Variants in DENND5B observed in about 807,000 individuals in gnomAD.
DENND5B encodes the protein DENN domain containing 5B, also known as DENN domain-containing protein 5B.
A neutral mutation model predicts 140.6 loss-of-function variants in DENND5B; 34 were observed. The ratio of observed to expected loss-of-function variants is 0.24; its 90% confidence interval spans 0.18 to 0.32. DENND5B has a LOEUF of 0.32. DENND5B is among the 10% of genes least tolerant of loss of function. The pLI, the probability that DENND5B is intolerant of heterozygous loss-of-function variation, is 1.00. For missense variants in DENND5B, 1,142 were observed against 1,560.2 expected, an observed-to-expected ratio of 0.73 and a Z score of 4.52; for synonymous variants, 551 against 562.1, an observed-to-expected ratio of 0.98 and a Z score of 0.28.
intron 12 of DENND5B, among the ~76,000 whole-genome samples, 166 bp downstream of exon 12, chr12:31,415,201 C>G (rs754510631): frequency 1.1e-4 from 17 of 152,264 alleles, no homozygotes; most frequent in Non-Finnish European, 2.2e-4. Flanking sequence ...TCAGGAAACA[C>G]TACAATGGTA....
At chr12:31,393,969 C>CGTAA (rs1205885362) in intron 17 of DENND5B, among the ~76,000 whole-genome samples, 1 of 152,114 alleles carries the variant, frequency 6.6e-6, no homozygotes, top group Non-Finnish European at 1.5e-5. Flanking sequence ...GGATTACAGG[C>CGTAA]GTAAGCCACC....
At chr12:31,541,912 T>A (rs1016926579) in intron 1 of DENND5B, among the ~76,000 whole-genome samples, 1 of 152,182 alleles carries the variant, frequency 6.6e-6, no homozygotes, top group African/African-American at 2.4e-5. Flanking sequence ...TGGATTGAAC[T>A]GGAAGTCATT....
At chr12:31,587,958 G>A (rs1198428456) in intron 1 of DENND5B, among the ~76,000 whole-genome samples, 3 of 152,130 alleles carry the variant, frequency 2.0e-5, no homozygotes, top group Non-Finnish European at 4.4e-5. Flanking sequence ...AGGCACATCA[G>A]ATCTTGTCAT....
At chr12:31,444,017 G>A (rs928909107) in intron 6 of DENND5B, 1 of 152,126 alleles carries the variant, frequency 6.6e-6, no homozygotes, top group African/African-American at 2.4e-5. Context: ...TATTTCTCAG[G>A]TAAACAAATA....
intron 7 of DENND5B, among the ~76,000 whole-genome samples, chr12:31,439,161 C>T (rs1943914125): frequency 1.3e-5 from 2 of 152,164 alleles, no homozygotes; most frequent in African/African-American, 4.8e-5. Flanking sequence ...TGCTGAAATA[C>T]TAAAGACTGC....
chr12:31,423,602 G>A lies in DENND5B; in HGVS notation c.2465C>T (p.Ser822Leu). 1 of 1,613,872 alleles carries A rather than the reference G, an allele frequency of 6.2e-7. No homozygotes were observed. Among genetic ancestry groups the A allele is most frequent in the Non-Finnish European group, 8.5e-7 (1 of 1,179,814 alleles). ...REEKQEHLAE[S>L]PVALGPERRK... The stretch of plus-strand genomic sequence containing the variant: ...CTTTACCAATGATGTCATACCTGGT[G>A]ATTCTGCAAGGTGCTCTTGTTTCTC... The change falls in exon 11 of 21, where the codon TCA becomes TTA. Residue 822 changes from serine (S) to leucine (L), a missense_variant. Ser to Leu is a moderately radical substitution (Grantham distance 145, BLOSUM62 -2). Around this residue, in one of 5 missense-constraint regions of DENND5B, gnomAD observed 268 missense variants for 349.2 expected, o/e 0.77. Transcript: ENST00000389082.
intron 2 of DENND5B, among the ~76,000 whole-genome samples, chr12:31,491,781 G>A (rs1004357254): frequency 6.6e-6 from 1 of 151,926 alleles, no homozygotes; most frequent in Non-Finnish European, 1.5e-5. Flanking sequence ...TATTTTATTT[G>A]CACTGTACTC....
intron 1 of DENND5B, chr12:31,590,294 C>G (rs1176069884): frequency 6.5e-6 from 1 of 153,424 alleles, no homozygotes; most frequent in Non-Finnish European, 1.5e-5. Context: ...GCGTCACGTG[C>G]GGGGCCGAAA....
At chr12:31,442,749 AC>A in intron 7 of DENND5B, 25 bp downstream of exon 7, 1 of 1,604,738 alleles carries the variant, frequency 6.2e-7, no homozygotes. Context: ...CCTTCAACCA[AC>A]TACTCAAGTG....
chr12:31,515,785 T>A (rs1161603061), intron 1 of DENND5B, among the ~76,000 whole-genome samples: 2 of 152,220 alleles, frequency 1.3e-5, no homozygotes, highest in Non-Finnish European at 2.9e-5. Flanking sequence ...TACTCAAAAT[T>A]CTGTACTGCC....
chr12:31,449,423 C>CT (rs200875025), intron 5 of DENND5B, among the ~76,000 whole-genome samples: 6 of 152,300 alleles, frequency 3.9e-5, no homozygotes, highest in South Asian at 4.1e-4. Flanking sequence ...ATCAAATAGC[C>CT]TTTTTTTAAA....
At chr12:31,408,951 C>T (rs1942287318) in intron 14 of DENND5B, among the ~76,000 whole-genome samples, 1 of 152,132 alleles carries the variant, frequency 6.6e-6, no homozygotes, top group South Asian at 2.1e-4. Context: ...CAATGAAATC[C>T]TCATCTATCT....
chr12:31,506,354 G>T (rs1331247493), intron 1 of DENND5B: 6 of 152,116 alleles, frequency 3.9e-5, no homozygotes, highest in Non-Finnish European at 8.8e-5. Flanking sequence ...AAAGAAATCT[G>T]TAACTGATTG....
intron 1 of DENND5B, among the ~76,000 whole-genome samples, chr12:31,586,623 A>G (rs1950400457): frequency 6.6e-6 from 1 of 152,214 alleles, no homozygotes; most frequent in Non-Finnish European, 1.5e-5. Flanking sequence ...AACCATTTGA[A>G]GCCTTGATAA....
Position 31,590,910 on chromosome 12 carries a change from G to A in DENND5B, c.-78C>T. On this transcript the variant is annotated 5_prime_UTR_variant, in exon 1 of 21. Coordinates refer to ENST00000389082, the MANE Select transcript of DENND5B (RefSeq NM_144973.4). The stretch of plus-strand genomic sequence containing the variant: ...TGCGGAGGCTGCCACCACCGCTCCG[G>A]CTGTGGTCTGTGCGCCCGCCCTAGG... 8.6e-7 allele frequency: 1 copy of A among 1,156,440 alleles called. No individual in the cohort carries two copies. Among genetic ancestry groups the A allele is most frequent in the African/African-American group, 1.6e-5 (1 of 61,452 alleles). 71.6% of individuals were successfully genotyped at this position (1,156,440 alleles called of 1,614,324 possible).
At chr12:31,483,504 G>T (rs60632601) in intron 2 of DENND5B, among the ~76,000 whole-genome samples, 1 of 150,848 alleles carries the variant, frequency 6.6e-6, no homozygotes, top group Non-Finnish European at 1.5e-5. Flanking sequence ...GCAGTGGCGC[G>T]ATCTCGGCTC....
intron 6 of DENND5B, 119 bp from the exon 7 acceptor site, chr12:31,443,044 T>TTGTG (rs60242727): frequency 0.051 from 25,777 of 501,282 alleles, 277 homozygotes; most frequent in South Asian, 0.084. Flanking sequence ...GAAACAGATA[T>TTGTG]TGTGTGTGTG....
chr12:31,470,607 A>G (rs1945514620), intron 3 of DENND5B, among the ~76,000 whole-genome samples: 1 of 152,150 alleles, frequency 6.6e-6, no homozygotes, highest in South Asian at 2.1e-4. Flanking sequence ...ACACAAATAA[A>G]CCAAGACACC....
chr12:31,520,365 T>TAA (rs1947831192), intron 1 of DENND5B, among the ~76,000 whole-genome samples: 1 of 152,146 alleles, frequency 6.6e-6, no homozygotes, highest in East Asian at 1.9e-4. Context: ...GCACTTATAA[T>TAA]GAATTAAAAT....
Sources: allele counts gnomAD v4.1 joint callset (sites outside exome capture counted in the v4.1 genomes callset), GRCh38; gene constraint gnomAD v4.1.1; regional missense constraint gnomAD v4.1.1; transcripts MANE v1.5; gene names NCBI Gene and HGNC (gene_info 2026-07-23, HGNC 2026-07-21).